Variants in SLC14A2 observed in about 807,000 individuals in gnomAD.
SLC14A2 encodes the protein urea transporter 2.
A neutral mutation model predicts 104.6 loss-of-function variants in SLC14A2; 91 were observed. That is an observed-to-expected ratio of 0.87 (90% CI 0.73 to 1.04). The LOEUF is 1.04. SLC14A2 is among the 50% of genes least tolerant of loss of function. The pLI, the probability that SLC14A2 is intolerant of heterozygous loss-of-function variation, is 0.00. For synonymous variants in SLC14A2, 476 were observed against 466.4 expected (o/e 1.02, Z -0.27); for missense variants, 1,189 against 1,156.0 (o/e 1.03, Z -0.41).
At chr18:45,171,281 G>C in the SLC14A2 span, among the ~76,000 whole-genome samples, 1 of 152,016 alleles carries the variant, frequency 6.6e-6, no homozygotes, top group Non-Finnish European at 1.5e-5. Context: ...AGATTTTAGA[G>C]AAAACGTCTA....
At chr18:45,266,185 C>T (rs1213781543) in intron 1 of SLC14A2, among the ~76,000 whole-genome samples, 1 of 152,074 alleles carries the variant, frequency 6.6e-6, no homozygotes, top group African/African-American at 2.4e-5. Context: ...GAGGAGTGTG[C>T]TAGAACTGCA....
chr18:45,432,490 G>C (rs1163905106), intron 1 of SLC14A2, among the ~76,000 whole-genome samples: 5 of 152,236 alleles, frequency 3.3e-5, no homozygotes, highest in Non-Finnish European at 7.4e-5. Context: ...AGTCCCCTGG[G>C]GATGTGCATC....
chr18:45,660,902 T>C (rs1599139507), intron 10 of SLC14A2, among the ~76,000 whole-genome samples: 1 of 152,262 alleles, frequency 6.6e-6, no homozygotes, highest in Non-Finnish European at 1.5e-5. Flanking sequence ...TTTGCTATTT[T>C]ATCTCTAATC....
chr18:45,659,649 C>A lies in SLC14A2; in HGVS notation c.1352-4136C>A, dbSNP rs183869377. On this transcript the variant is annotated intron_variant, in intron 10 of 19. Transcript: ENST00000255226. ...CCAAGTAACACTAGAAATAATCAAT[C>A]CTTGCCCTGCAATTTCCAAAGCCTC... is the stretch of plus-strand genomic sequence containing the variant. Among the ~76,000 whole-genome samples the A allele has an allele frequency of 3.3e-5, 5 of 152,352 alleles. No individual in the cohort carries two copies. In the East Asian group the frequency reaches 9.6e-4, roughly 29 times the overall value.
the SLC14A2 span, among the ~76,000 whole-genome samples, chr18:45,199,910 G>GA: frequency 2.6e-5 from 4 of 152,174 alleles, no homozygotes; most frequent in African/African-American, 9.7e-5. Flanking sequence ...GGGCAGGCAA[G>GA]AGGGGATGTT....
At chr18:45,552,164 A>G (rs1337043957) in intron 2 of SLC14A2, among the ~76,000 whole-genome samples, 1 of 152,198 alleles carries the variant, frequency 6.6e-6, no homozygotes, top group African/African-American at 2.4e-5. Flanking sequence ...GTTGAAAGAT[A>G]CAAGGGACAC....
At chr18:45,661,474 G>C (rs542033546) in intron 10 of SLC14A2, among the ~76,000 whole-genome samples, 3 of 152,290 alleles carry the variant, frequency 2.0e-5, no homozygotes, top group Admixed American at 2.0e-4. Flanking sequence ...GCAGCATCAG[G>C]GTGGAAAGAG....
chr18:45,179,653 G>A, the SLC14A2 span, among the ~76,000 whole-genome samples: 1 of 151,974 alleles, frequency 6.6e-6, no homozygotes, highest in Non-Finnish European at 1.5e-5. Flanking sequence ...ATTTCTATTT[G>A]TTTAAAGAAT....
intron 1 of SLC14A2, among the ~76,000 whole-genome samples, chr18:45,229,277 A>G (rs2084151130): frequency 6.6e-6 from 1 of 152,180 alleles, no homozygotes; most frequent in Non-Finnish European, 1.5e-5. Flanking sequence ...CCTGCCTTCC[A>G]GAGGGCCAGA....
intron 2 of SLC14A2, among the ~76,000 whole-genome samples, chr18:45,542,035 G>GTTTGTTT (rs2043891585): frequency 9.2e-5 from 5 of 54,236 alleles, no homozygotes; most frequent in Middle Eastern, 0.014. Context: ...AAGAGAGAGG[G>GTTTGTTT]TTTTTTTTTT....
intron 2 of SLC14A2, among the ~76,000 whole-genome samples, chr18:45,505,098 G>A (rs979470411): frequency 6.6e-6 from 1 of 152,170 alleles, no homozygotes; most frequent in Non-Finnish European, 1.5e-5. Context: ...GGATCAAAGG[G>A]AAATGAGGAC....
At chr18:45,173,630 C>CT in the SLC14A2 span, among the ~76,000 whole-genome samples, 1 of 152,236 alleles carries the variant, frequency 6.6e-6, no homozygotes, top group African/African-American at 2.4e-5. Context: ...TCAGTGGCAA[C>CT]TTGGAAGGTT....
At chr18:45,438,273 A>C (rs2086628481) in intron 1 of SLC14A2, 1 of 152,186 alleles carries the variant, frequency 6.6e-6, no homozygotes. Context: ...TGACTGGTTG[A>C]GGCAGGATGA....
chr18:45,524,359 C>A (rs1255112605), intron 2 of SLC14A2, among the ~76,000 whole-genome samples: 1 of 152,236 alleles, frequency 6.6e-6, no homozygotes, highest in Non-Finnish European at 1.5e-5. Flanking sequence ...TCCCATTGCA[C>A]TGCATTCAAC....
chr18:45,269,991 A>G (rs894093035), intron 1 of SLC14A2, among the ~76,000 whole-genome samples: 5 of 152,156 alleles, frequency 3.3e-5, no homozygotes, highest in African/African-American at 9.7e-5. Context: ...CTTCTCCTAT[A>G]GTTTGAGGAG....
At chr18:45,179,830 T>C in the SLC14A2 span, 1 of 149,834 alleles carries the variant, frequency 6.7e-6, no homozygotes, top group Non-Finnish European at 1.5e-5. Flanking sequence ...TTACAAATGA[T>C]AGGAAGCAGA....
chr18:45,566,514 C>T (rs1232708859), intron 2 of SLC14A2, among the ~76,000 whole-genome samples: 3 of 39,310 alleles, frequency 7.6e-5, no homozygotes, highest in South Asian at 1.1e-3. Context: ...CGCTCACGCT[C>T]GCACACACAC....
chr18:45,482,734 CTG>C (rs2087519199), intron 1 of SLC14A2: 1 of 152,190 alleles, frequency 6.6e-6, no homozygotes, highest in Admixed American at 6.5e-5. Flanking sequence ...TATCCCAACA[CTG>C]TGATATTCAA....
At chr18:45,252,178 C>A (rs1409195469) in intron 1 of SLC14A2, among the ~76,000 whole-genome samples, 1 of 152,184 alleles carries the variant, frequency 6.6e-6, no homozygotes, top group Non-Finnish European at 1.5e-5. Context: ...CTCTGAACAT[C>A]TGTAACAGAA....
Sources: allele counts gnomAD v4.1 joint callset (sites outside exome capture counted in the v4.1 genomes callset), GRCh38; gene constraint gnomAD v4.1.1; transcripts MANE v1.5; gene names NCBI Gene and HGNC (gene_info 2026-07-23, HGNC 2026-07-21).